WDFY3: variants seen among roughly 807,000 people sequenced by gnomAD.
The protein encoded by WDFY3 is WD repeat and FYVE domain containing 3, also known as WD repeat and FYVE domain-containing protein 3.
Under a neutral mutation model 409.6 loss-of-function variants are expected in WDFY3, and 66 were observed. The ratio of observed to expected loss-of-function variants is 0.16; its 90% confidence interval spans 0.13 to 0.20. The LOEUF (loss-of-function observed/expected upper bound fraction) is 0.20, where lower values mean the gene tolerates loss of function less well. Ranked by LOEUF, WDFY3 falls within the 10% of genes least tolerant of loss-of-function variation. The pLI is 1.00. For missense variants in WDFY3, 3,031 were observed against 4,298.1 expected (o/e 0.71, Z 8.24); for synonymous variants, 1,521 against 1,537.1 (o/e 0.99, Z 0.25).
At chr4:84,673,057 A>T (rs1252919617) in intron 67 of WDFY3, 66 bp from the exon 68 acceptor site, 1 of 1,598,530 alleles carries the variant, frequency 6.3e-7, no homozygotes, top group East Asian at 2.2e-5. Flanking sequence ...CACCGGAAAC[A>T]TTAATAATCG....
intron 1 of WDFY3, among the ~76,000 whole-genome samples, chr4:84,953,881 T>A (rs1466772213): frequency 2.6e-5 from 4 of 152,162 alleles, no homozygotes; most frequent in Admixed American, 2.6e-4. Context: ...AGATCAAAGA[T>A]CATATCTTAG....
chr4:84,680,296 A>T (rs1453454867), intron 64 of WDFY3, among the ~76,000 whole-genome samples: 1 of 150,218 alleles, frequency 6.7e-6, no homozygotes, highest in Non-Finnish European at 1.5e-5. Flanking sequence ...TTATTTATGT[A>T]TTTATTTTTA....
At chr4:84,714,823 G>T (rs1299730804) in intron 50 of WDFY3, among the ~76,000 whole-genome samples, 1 of 151,844 alleles carries the variant, frequency 6.6e-6, no homozygotes, top group Non-Finnish European at 1.5e-5. Context: ...GGTGGCGGGT[G>T]CCTGCAGTTC....
intron 1 of WDFY3, among the ~76,000 whole-genome samples, chr4:84,948,365 T>C (rs1773167192): frequency 6.6e-6 from 1 of 152,178 alleles, no homozygotes; most frequent in Non-Finnish European, 1.5e-5. Flanking sequence ...CATCTCGTGA[T>C]GCCATACCAA....
chr4:84,914,478 GGA>G (rs1307817421), intron 2 of WDFY3, among the ~76,000 whole-genome samples: 1 of 152,072 alleles, frequency 6.6e-6, no homozygotes, highest in African/African-American at 2.4e-5. Flanking sequence ...TTACATTTTG[GGA>G]GAGTCAAAAG....
chr4:84,775,028 T>C (rs777973758), intron 28 of WDFY3, 37 bp downstream of exon 28: 3 of 1,613,534 alleles, frequency 1.9e-6, no homozygotes, highest in South Asian at 1.1e-5. Flanking sequence ...ACCTTTTCTA[T>C]AGCTGAATAA....
rs762336880 is a variant in WDFY3, at chr4:84,786,063, G to A, written c.3978C>T (p.Leu1326=). 1 of 1,613,938 alleles carries A rather than the reference G, an allele frequency of 6.2e-7. No homozygotes were observed. Among genetic ancestry groups the A allele is most frequent in the Non-Finnish European group, 8.5e-7 (1 of 1,179,938 alleles). Reference sequence around the variant, plus strand: ...TTAGAGACGACACAGAGAGTGCATAGAGGCCAAATGACACTTTCTCCTCTG... The same window carrying A: ...TTAGAGACGACACAGAGAGTGCATAAAGGCCAAATGACACTTTCTCCTCTG... ...LVPEEKVSFG[L]YALSVSSLTV... The change falls in exon 24 of 68, where the codon CTC becomes CTT. Residue 1326 remains leucine (L), a synonymous_variant. Transcript: ENST00000295888.
At chr4:84,914,659 A>G (rs921597498) in intron 2 of WDFY3, among the ~76,000 whole-genome samples, 1 of 152,210 alleles carries the variant, frequency 6.6e-6, no homozygotes, top group African/African-American at 2.4e-5. Flanking sequence ...ACCTATTATG[A>G]TGGCTACTTT....
chr4:84,951,218 G>A (rs892334586), intron 1 of WDFY3, among the ~76,000 whole-genome samples: 11 of 152,104 alleles, frequency 7.2e-5, no homozygotes, highest in African/African-American at 1.9e-4. Flanking sequence ...TCGGGCATCC[G>A]GGAATGAGTT....
chr4:84,863,171 C>T (rs1256641951), intron 3 of WDFY3, among the ~76,000 whole-genome samples: 2 of 152,148 alleles, frequency 1.3e-5, no homozygotes, highest in Non-Finnish European at 2.9e-5. Flanking sequence ...GTGAATAGTG[C>T]TGCAACAAAC....
At chr4:84,725,350 G>T in intron 45 of WDFY3, among the ~76,000 whole-genome samples, 1 of 152,158 alleles carries the variant, frequency 6.6e-6, no homozygotes, top group East Asian at 1.9e-4. Flanking sequence ...TTCTGAAGAA[G>T]AAATTAATTA....
chr4:84,696,200 G>C lies in WDFY3; in HGVS notation c.8689-18C>G, dbSNP rs1283705160. 5.0e-6 allele frequency: 8 copies of C among 1,611,804 alleles called. No individual in the cohort carries two copies. The highest frequency in any genetic ancestry group is 6.8e-6 in the Non-Finnish European group (8 of 1,178,480). ...TCCAAAGCCTGTAATTTCAAACATAGGTTTAGTCACTGGCTGACTTCTATT... is the reference window on the plus strand; with the variant it reads ...TCCAAAGCCTGTAATTTCAAACATACGTTTAGTCACTGGCTGACTTCTATT... On this transcript the variant is annotated intron_variant, in intron 57 of 67. Coordinates refer to ENST00000295888, the MANE Select transcript of WDFY3 (RefSeq NM_014991.6).
chr4:84,692,848 A>G (rs755903740), intron 59 of WDFY3, 37 bp downstream of exon 59: 1 of 1,559,876 alleles, frequency 6.4e-7, no homozygotes, highest in African/African-American at 1.4e-5. Context: ...CAATCCCATT[A>G]AATCATTAAT....
chr4:84,670,454 C>T lies in WDFY3; in HGVS notation c.*2414G>A, dbSNP rs1413702802. ...CATTAGAGGCAAAAAGAAAAGAAAC[C>T]CGATTGAACAAAACAGTTGCCCACA... On this transcript the variant is annotated 3_prime_UTR_variant, in exon 68 of 68. Transcript: ENST00000295888. 1 of 152,542 alleles carries T rather than the reference C, an allele frequency of 6.6e-6. No homozygotes were observed. The highest frequency in any genetic ancestry group is 2.4e-5 in the African/African-American group (1 of 41,404). 9.4% of individuals were successfully genotyped at this position (152,542 alleles called of 1,614,324 possible).
At chr4:84,816,830 A>G (rs542122282) in intron 13 of WDFY3, among the ~76,000 whole-genome samples, 2 of 152,190 alleles carry the variant, frequency 1.3e-5, no homozygotes, top group South Asian at 4.1e-4. Flanking sequence ...CGGTTCTACT[A>G]ATTAAAAGTC....
chr4:84,768,729 T>C (rs533271442), intron 30 of WDFY3, among the ~76,000 whole-genome samples: 65 of 152,356 alleles, frequency 4.3e-4, no homozygotes, highest in Non-Finnish European at 6.8e-4. Context: ...CTTGCTAATA[T>C]ATCCATTCTG....
chr4:84,790,048 G>GAA, intron 21 of WDFY3, 141 bp from the exon 22 acceptor site: 4 of 931,738 alleles, frequency 4.3e-6, no homozygotes, highest in Admixed American at 2.9e-5. Context: ...TACAACTCTG[G>GAA]AAAAAAAAAT....
Position 84,695,505 on chromosome 4 carries a change from G to GAGAC in WDFY3, c.8901+464_8901+465insGTCT, listed in dbSNP as rs1729961252. Among the ~76,000 whole-genome samples, 20 of 130,362 alleles carry GAGAC rather than the reference G, an allele frequency of 1.5e-4. 1 individual carries two copies. Among genetic ancestry groups the GAGAC allele is most frequent in the African/African-American group, 6.4e-4 (20 of 31,044 alleles). 85.5% of individuals were successfully genotyped at this position (130,362 alleles called of 152,430 possible). A position where few individuals can be genotyped will look rare whatever the true frequency, so the allele number is the denominator to read the frequency against. On this transcript the variant is annotated intron_variant, in intron 58 of 67. Transcript: ENST00000295888. ...AGACACACACACACAGAGACAGAGAGAGATAGAGAGAGAGAGAGAGAGAGA... is the reference window on the plus strand; with the variant it reads ...AGACACACACACACAGAGACAGAGAGAGACAGATAGAGAGAGAGAGAGAGAGAGA...
chr4:84,937,845 C>G (rs1276395699), intron 1 of WDFY3, among the ~76,000 whole-genome samples: 1 of 152,092 alleles, frequency 6.6e-6, no homozygotes, highest in African/African-American at 2.4e-5. Context: ...TATTCTCTCC[C>G]TATATGCTTT....
Sources: allele counts gnomAD v4.1 joint callset (sites outside exome capture counted in the v4.1 genomes callset), GRCh38; gene constraint gnomAD v4.1.1; transcripts MANE v1.5; gene names NCBI Gene and HGNC (gene_info 2026-07-23, HGNC 2026-07-21).